The following RYR2 variants were observed in gnomAD, a reference collection of about 807,000 sequenced individuals.
RYR2 encodes cardiac muscle ryanodine receptor-calcium release channel.
Under a neutral mutation model 601.1 loss-of-function variants are expected in RYR2, and 227 were observed. That is an observed-to-expected ratio of 0.38 (90% CI 0.34 to 0.42). RYR2 has a LOEUF of 0.42. Among genes scored for constraint, RYR2 ranks in the 10% least tolerant of loss-of-function variants. RYR2 has a pLI of 1.00. For missense variants in RYR2, 4,646 were observed against 6,156.5 expected (o/e 0.75, Z 8.21); for synonymous variants, 2,223 against 2,175.1 (o/e 1.02, Z -0.61).
chr1:237,632,333 T>C (rs1160548167), intron 42 of RYR2, among the ~76,000 whole-genome samples: 1 of 152,070 alleles, frequency 6.6e-6, no homozygotes, highest in Non-Finnish European at 1.5e-5. Context: ...CAATCCAGAT[T>C]GAGATTTGAT....
chr1:237,459,568 T>G (rs1239417078), intron 16 of RYR2, among the ~76,000 whole-genome samples: 1 of 152,222 alleles, frequency 6.6e-6, no homozygotes, highest in Non-Finnish European at 1.5e-5. Flanking sequence ...TCAACAGGTA[T>G]TGTATCCATG....
At chr1:237,259,126 G>A (rs1688269102) in intron 1 of RYR2, among the ~76,000 whole-genome samples, 1 of 152,036 alleles carries the variant, frequency 6.6e-6, no homozygotes, top group Non-Finnish European at 1.5e-5. Context: ...AATCTCTTAT[G>A]TGTCATTTTG....
At chr1:237,205,064 G>A (rs1395128555) in intron 1 of RYR2, among the ~76,000 whole-genome samples, 1 of 152,198 alleles carries the variant, frequency 6.6e-6, no homozygotes, top group Non-Finnish European at 1.5e-5. Flanking sequence ...GCCAGGTGGG[G>A]CCTGGAGTGG....
chr1:237,528,644 A>T (rs1667822370), intron 24 of RYR2, among the ~76,000 whole-genome samples: 1 of 152,186 alleles, frequency 6.6e-6, no homozygotes, highest in Non-Finnish European at 1.5e-5. Context: ...TATAGTATTG[A>T]TGGCATAAAA....
At chr1:237,632,445 A>G (rs1000473484) in intron 42 of RYR2, among the ~76,000 whole-genome samples, 6 of 139,148 alleles carry the variant, frequency 4.3e-5, no homozygotes, top group Admixed American at 4.0e-4. Context: ...CCCAGGCTGG[A>G]GTGCAGTGGC....
Position 237,770,789 on chromosome 1 carries a change from C to T in RYR2, c.11477-18C>T, listed in dbSNP as rs1279944684. 2.6e-6 allele frequency: 4 copies of T among 1,527,472 alleles called. No individual in the cohort carries two copies. Among genetic ancestry groups the T allele is most frequent in the Non-Finnish European group, 3.6e-6 (4 of 1,125,348 alleles). The allele number at this position is 1,527,472 out of a possible 1,614,324, so 94.6% of individuals were successfully genotyped here. ...CTGGGGTGGCTGGTAATGTTTGATC[C>T]CTCTGGATTTCCCACAGGAGAAAAG... is the stretch of plus-strand genomic sequence containing the variant. On this transcript the variant is annotated intron_variant, in intron 84 of 104. Coordinates refer to ENST00000366574, the MANE Select transcript of RYR2 (RefSeq NM_001035.3).
At chr1:237,805,574 C>CTTTTTTTTTTTTT (rs1553334508) in intron 98 of RYR2, among the ~76,000 whole-genome samples, 1 of 100,452 alleles carries the variant, frequency 1.0e-5, no homozygotes, top group African/African-American at 4.4e-5. Context: ...GAGCTAGACT[C>CTTTTTTTTTTTTT]TGTCTCAAAA....
rs150310237 is a variant in RYR2 at position 237,260,263 on chromosome 1, A to G, written c.49-10234A>G. 6.9e-3 allele frequency among the ~76,000 whole-genome samples: 1,047 copies of G among 152,282 alleles called. 13 individuals are homozygous for G. Among genetic ancestry groups the G allele is most frequent in the Non-Finnish European group, 0.011 (774 of 68,018 alleles). ...TGCCTGTAAATACGCACCCAGAGGA[A>G]CTTAGTGAAAGTGAGCTTATTGACG... On this transcript the variant is annotated intron_variant, in intron 1 of 104. Coordinates refer to ENST00000366574, the MANE Select transcript of RYR2 (RefSeq NM_001035.3).
intron 10 of RYR2, among the ~76,000 whole-genome samples, chr1:237,404,707 T>C (rs1170303654): frequency 1.3e-5 from 2 of 152,218 alleles, no homozygotes; most frequent in African/African-American, 4.8e-5. Flanking sequence ...CAAATGTAAT[T>C]ATGGCCCCTA....
intron 2 of RYR2, among the ~76,000 whole-genome samples, chr1:237,288,523 AC>A (rs1297864490): frequency 6.6e-6 from 1 of 151,576 alleles, no homozygotes; most frequent in African/African-American, 2.4e-5. Flanking sequence ...TACCTAGGTT[AC>A]TGGAGTTGTG....
At chr1:237,194,488 G>T (rs1680338783) in intron 1 of RYR2, among the ~76,000 whole-genome samples, 1 of 152,178 alleles carries the variant, frequency 6.6e-6, no homozygotes, top group Admixed American at 6.5e-5. Context: ...AGAACAAGGG[G>T]CAGAATCCAG....
At position 237,832,821 on chromosome 1, in the gene RYR2, ATTTAC is replaced by A. The variant is rs1168355200; in HGVS notation, c.*178_*182del. ...GCTGTTTCCTCCCCCCACCTTTTGT[ATTTAC>A]TTTGAGACTAAAGACTGAAGAATAA... On this transcript the variant is annotated 3_prime_UTR_variant, in exon 105 of 105. Transcript: ENST00000366574. 2.1e-5 allele frequency: 11 copies of A among 521,406 alleles called. No homozygotes were observed. Among genetic ancestry groups the A allele is most frequent in the Middle Eastern group, 2.9e-4 (1 of 3,456 alleles). The allele number at this position is 521,406 out of a possible 1,614,324, so 32.3% of individuals were successfully genotyped here. A position where few individuals can be genotyped will look rare whatever the true frequency, so the allele number is the denominator to read the frequency against.
At chr1:237,679,711 A>G (rs1685695949) in intron 61 of RYR2, among the ~76,000 whole-genome samples, 1 of 152,216 alleles carries the variant, frequency 6.6e-6, no homozygotes, top group Non-Finnish European at 1.5e-5. Flanking sequence ...ATTGCAAATG[A>G]TGTTATCAGA....
chr1:237,110,707 T>C (rs1198874454), intron 1 of RYR2, among the ~76,000 whole-genome samples: 1 of 152,186 alleles, frequency 6.6e-6, no homozygotes, highest in African/African-American at 2.4e-5. Flanking sequence ...GCACTGTTCC[T>C]CTACTCTTCT....
chr1:237,594,885 G>GGTTTTTTTTTT lies in RYR2; in HGVS notation c.4437-612_4437-602dup, dbSNP rs1675637767. ...GTGGCATTTGTGGTTAATATCACTG[G>GGTTTTTTTTTT]GTTTTTTTTTTTTTTTTTTTTTTTT... On this transcript the variant is annotated intron_variant, in intron 33 of 104. Transcript: ENST00000366574. Among the ~76,000 whole-genome samples, 35 of 79,056 alleles carry GGTTTTTTTTTT rather than the reference G, an allele frequency of 4.4e-4. No individual in the cohort carries two copies. The East Asian group carries it at 0.01, about 23-fold the overall frequency. The allele number at this position is 79,056 out of a possible 152,430, so 51.9% of individuals were successfully genotyped here. A position where few individuals can be genotyped will look rare whatever the true frequency, so the allele number is the denominator to read the frequency against.
At chr1:237,081,134 G>A (rs891230895) in intron 1 of RYR2, among the ~76,000 whole-genome samples, 1 of 89,284 alleles carries the variant, frequency 1.1e-5, no homozygotes, top group Non-Finnish European at 2.1e-5. Flanking sequence ...CTGTGGTGGG[G>A]TCGGGGGAGG....
intron 3 of RYR2, among the ~76,000 whole-genome samples, chr1:237,350,652 G>C (rs1199862803): frequency 2.0e-5 from 2 of 101,258 alleles, no homozygotes; most frequent in Admixed American, 1.3e-4. Context: ...CTCTGAGAAA[G>C]AATTTAGGGC....
chr1:237,405,967 C>T (rs1008074197), intron 10 of RYR2, among the ~76,000 whole-genome samples: 10 of 148,520 alleles, frequency 6.7e-5, no homozygotes, highest in African/African-American at 2.4e-4. Context: ...TTGAATATGG[C>T]AGCATTCTAC....
At chr1:237,666,144 G>A (rs1204406658) in intron 56 of RYR2, among the ~76,000 whole-genome samples, 1 of 152,084 alleles carries the variant, frequency 6.6e-6, no homozygotes, top group Non-Finnish European at 1.5e-5. Context: ...AAATATTGAC[G>A]TCTTTGATTA....
Sources: gnomAD v4.1 joint callset for allele counts (sites outside exome capture counted in the v4.1 genomes callset) on GRCh38, gnomAD v4.1.1 for gene constraint, MANE v1.5 for transcripts, NCBI Gene and HGNC (gene_info 2026-07-23, HGNC 2026-07-21) for gene names.